The following KHDRBS2 variants were observed in gnomAD, a reference collection of about 807,000 sequenced individuals.
The protein encoded by KHDRBS2 is KH domain-containing, RNA-binding, signal transduction-associated protein 2.
In KHDRBS2, 26 loss-of-function variants were observed where a neutral mutation model predicts 44.3. That is an observed-to-expected ratio of 0.59 (90% confidence interval 0.43 to 0.81). The LOEUF (loss-of-function observed/expected upper bound fraction) is 0.81. Ranked by LOEUF, KHDRBS2 falls within the 40% of genes least tolerant of loss-of-function variation. The pLI, the probability that KHDRBS2 is intolerant of heterozygous loss-of-function variation, is 0.00. For missense variants in KHDRBS2, 476 were observed against 433.1 expected, an observed-to-expected ratio of 1.10 and a Z score of -0.88; for synonymous variants, 194 against 151.1, an observed-to-expected ratio of 1.28 and a Z score of -2.08.
chr6:61,808,891 A>G (rs1307959625), intron 6 of KHDRBS2, among the ~76,000 whole-genome samples: 3 of 151,984 alleles, frequency 2.0e-5, no homozygotes, highest in Non-Finnish European at 4.4e-5. Context: ...TAATTATATA[A>G]AAGGAATAAA....
rs58673179 is a variant in KHDRBS2, at chr6:62,152,340, C to A, written c.219+24845G>T. ...GTCTCAAACAAAAACAAAAAACAAACAAAAAAATACTTACCACATGGGGTT... is the reference window on the plus strand; with the variant it reads ...GTCTCAAACAAAAACAAAAAACAAAAAAAAAAATACTTACCACATGGGGTT... On this transcript the variant is annotated intron_variant, in intron 2 of 8. Coordinates refer to ENST00000281156, the MANE Select transcript of KHDRBS2 (RefSeq NM_152688.4). 3.8e-3 allele frequency among the ~76,000 whole-genome samples: 577 copies of A among 151,976 alleles called. 7 individuals carry two copies. Among genetic ancestry groups the A allele is most frequent in the African/African-American group, 0.013 (552 of 41,476 alleles).
At chr6:62,229,151 C>T (rs1268267804) in intron 1 of KHDRBS2, among the ~76,000 whole-genome samples, 1 of 152,072 alleles carries the variant, frequency 6.6e-6, no homozygotes, top group Non-Finnish European at 1.5e-5. Context: ...TCACCCCCTT[C>T]CCTAGGGGCT....
chr6:61,746,180 CAG>C (rs1322810677), intron 6 of KHDRBS2, among the ~76,000 whole-genome samples: 1 of 152,014 alleles, frequency 6.6e-6, no homozygotes, highest in Non-Finnish European at 1.5e-5. Flanking sequence ...CAGAAAGAGA[CAG>C]ATAAAATTGT....
chr6:62,161,096 A>G (rs1817525164), intron 2 of KHDRBS2, among the ~76,000 whole-genome samples: 1 of 152,040 alleles, frequency 6.6e-6, no homozygotes, highest in Admixed American at 6.6e-5. Context: ...TATGAATGGC[A>G]TAATGTCCTC....
chr6:61,662,698 A>T, the KHDRBS2 span, among the ~76,000 whole-genome samples: 9 of 152,096 alleles, frequency 5.9e-5, no homozygotes, highest in African/African-American at 2.2e-4. Flanking sequence ...AACCACAATG[A>T]GGTACCATCT....
chr6:62,236,600 C>T (rs1297597004), intron 1 of KHDRBS2, among the ~76,000 whole-genome samples: 2 of 152,050 alleles, frequency 1.3e-5, no homozygotes, highest in Non-Finnish European at 2.9e-5. Flanking sequence ...AGTTCTAACA[C>T]TAGCCTTATC....
intron 3 of KHDRBS2, among the ~76,000 whole-genome samples, chr6:62,001,448 T>C (rs1328920928): frequency 6.6e-6 from 1 of 151,806 alleles, no homozygotes; most frequent in Non-Finnish European, 1.5e-5. Flanking sequence ...TGGAATATAT[T>C]GGAAAAATGA....
intron 2 of KHDRBS2, among the ~76,000 whole-genome samples, chr6:62,149,456 G>A (rs970275581): frequency 9.2e-5 from 14 of 152,024 alleles, no homozygotes; most frequent in African/African-American, 3.4e-4. Flanking sequence ...TCACCCTGCA[G>A]TTCACCTCTC....
chr6:61,879,907 G>A (rs1290048635), intron 6 of KHDRBS2, among the ~76,000 whole-genome samples: 2 of 151,762 alleles, frequency 1.3e-5, no homozygotes, highest in African/African-American at 4.8e-5. Context: ...AATTTGAAAT[G>A]TTAGCCTTTA....
intron 6 of KHDRBS2, among the ~76,000 whole-genome samples, chr6:61,871,892 G>A (rs1479044284): frequency 1.4e-5 from 2 of 146,160 alleles, no homozygotes; most frequent in East Asian, 4.3e-4. Flanking sequence ...GAACTGAATC[G>A]TGAGTACACA....
chr6:62,154,567 T>G (rs935091471), intron 2 of KHDRBS2, among the ~76,000 whole-genome samples: 5 of 152,176 alleles, frequency 3.3e-5, no homozygotes, highest in African/African-American at 9.7e-5. Context: ...GAAAGAAGAT[T>G]ACTTCTTAAA....
At chr6:62,120,642 G>A (rs1807393021) in intron 2 of KHDRBS2, among the ~76,000 whole-genome samples, 1 of 152,132 alleles carries the variant, frequency 6.6e-6, no homozygotes, top group Non-Finnish European at 1.5e-5. Flanking sequence ...ATTCCTAGAA[G>A]CGAAAATGAT....
At chr6:62,067,579 GATAT>G (rs1794034120) in intron 2 of KHDRBS2, among the ~76,000 whole-genome samples, 1 of 151,364 alleles carries the variant, frequency 6.6e-6, no homozygotes. Flanking sequence ...CATATTTATT[GATAT>G]ATAGTTTACG....
the KHDRBS2 span, among the ~76,000 whole-genome samples, chr6:61,546,608 A>G: frequency 6.6e-6 from 1 of 152,290 alleles, no homozygotes; most frequent in South Asian, 2.1e-4. Context: ...CTATACACAC[A>G]TTTAAGAAAG....
the KHDRBS2 span, among the ~76,000 whole-genome samples, chr6:61,655,458 T>C: frequency 6.6e-6 from 1 of 152,088 alleles, no homozygotes; most frequent in Non-Finnish European, 1.5e-5. Flanking sequence ...TTTCACCATG[T>C]TGGTCAGGCT....
chr6:62,089,304 C>T (rs1007853933), intron 2 of KHDRBS2, among the ~76,000 whole-genome samples: 3 of 151,062 alleles, frequency 2.0e-5, no homozygotes, highest in Non-Finnish European at 2.9e-5. Flanking sequence ...GCAGCTAGCT[C>T]TGTGTCTGCC....
At chr6:62,253,758 G>T (rs1417175773) in intron 1 of KHDRBS2, among the ~76,000 whole-genome samples, 2 of 151,886 alleles carry the variant, frequency 1.3e-5, no homozygotes, top group South Asian at 4.1e-4. Context: ...CTGACCCTGA[G>T]GCCCAAATGC....
chr6:61,584,472 C>T, the KHDRBS2 span, among the ~76,000 whole-genome samples: 3 of 151,788 alleles, frequency 2.0e-5, no homozygotes, highest in Non-Finnish European at 4.4e-5. Flanking sequence ...CCTCAATCTG[C>T]TAAAGTGATT....
the KHDRBS2 span, among the ~76,000 whole-genome samples, chr6:61,555,085 A>C: frequency 2.0e-5 from 3 of 152,062 alleles, no homozygotes; most frequent in Non-Finnish European, 2.9e-5. Context: ...ATGAATAATA[A>C]CCTGAAATAT....
Sources: gnomAD v4.1 joint callset for allele counts (sites outside exome capture counted in the v4.1 genomes callset) on GRCh38, gnomAD v4.1.1 for gene constraint, MANE v1.5 for transcripts, NCBI Gene and HGNC (gene_info 2026-07-23, HGNC 2026-07-21) for gene names.